Variants in ARHGEF38 observed in about 807,000 individuals in gnomAD.
ARHGEF38 encodes Rho guanine nucleotide exchange factor 38.
ARHGEF38 carries 79 observed loss-of-function variants against 79.9 expected under a neutral mutation model. The observed-to-expected ratio is 0.99, with a 90% CI of 0.82 to 1.19. The LOEUF (loss-of-function observed/expected upper bound fraction) is 1.19. Among genes scored for constraint, ARHGEF38 ranks in the 50% most tolerant of loss-of-function variants. The probability of loss-of-function intolerance (pLI) is 0.00; values close to 1 mark genes in which losing one functional copy is unlikely to be tolerated. For missense variants in ARHGEF38, 962 were observed against 907.2 expected, an observed-to-expected ratio of 1.06 and a Z score of -0.78; for synonymous variants, 366 against 328.3, an observed-to-expected ratio of 1.11 and a Z score of -1.24.
chr4:105,658,671 A>G (rs774339980), intron 9 of ARHGEF38, among the ~76,000 whole-genome samples: 39 of 152,178 alleles, frequency 2.6e-4, no homozygotes, highest in Non-Finnish European at 4.3e-4. Context: ...GTCAAAGGCT[A>G]GAGATTCCCC....
At chr4:105,639,818 A>C (rs1486892702) in intron 5 of ARHGEF38, among the ~76,000 whole-genome samples, 1 of 152,014 alleles carries the variant, frequency 6.6e-6, no homozygotes, top group African/African-American at 2.4e-5. Context: ...GTCTCAGCTC[A>C]GTACTTTTCT....
chr4:105,588,806 C>G (rs1446250965), intron 1 of ARHGEF38, among the ~76,000 whole-genome samples: 1 of 152,190 alleles, frequency 6.6e-6, no homozygotes, highest in Non-Finnish European at 1.5e-5. Context: ...ATATTACCCA[C>G]TGAGAATGAG....
At chr4:105,667,052 G>A in intron 11 of ARHGEF38, 77 bp from the exon 12 acceptor site, 20 of 1,258,764 alleles carry the variant, frequency 1.6e-5, no homozygotes, top group Non-Finnish European at 2.0e-5. Context: ...AAATCTCCAG[G>A]GAAAAAATAT....
intron 4 of ARHGEF38, chr4:105,631,582 A>G: frequency 1.0e-6 from 1 of 985,390 alleles, no homozygotes; most frequent in South Asian, 4.7e-5. Context: ...GGGGAGCTAC[A>G]CAATGTACTT....
chr4:105,655,517 T>A, intron 8 of ARHGEF38, 86 bp from the exon 9 acceptor site: 1 of 1,354,420 alleles, frequency 7.4e-7, no homozygotes, highest in Non-Finnish European at 9.9e-7. Context: ...AATTAAGGGT[T>A]ATGCTGATGA....
At chr4:105,632,094 C>T (rs1175174985) in intron 4 of ARHGEF38, among the ~76,000 whole-genome samples, 2 of 152,282 alleles carry the variant, frequency 1.3e-5, no homozygotes, top group East Asian at 3.9e-4. Flanking sequence ...AAATTGAAAT[C>T]ATGATACTAC....
At chr4:105,585,506 C>G (rs1560702235) in intron 1 of ARHGEF38, among the ~76,000 whole-genome samples, 1 of 151,420 alleles carries the variant, frequency 6.6e-6, no homozygotes, top group South Asian at 2.1e-4. Flanking sequence ...CACATCACCA[C>G]TGGAAAAATA....
At chr4:105,677,125 A>G (rs1381575103) in intron 13 of ARHGEF38, among the ~76,000 whole-genome samples, 3 of 151,846 alleles carry the variant, frequency 2.0e-5, no homozygotes, top group Non-Finnish European at 4.4e-5. Flanking sequence ...CACCACGCCC[A>G]GCTAATTTTT....
intron 3 of ARHGEF38, among the ~76,000 whole-genome samples, chr4:105,614,716 C>G (rs1375807658): frequency 1.3e-5 from 2 of 152,154 alleles, no homozygotes; most frequent in African/African-American, 2.4e-5. Context: ...CTACTCATTA[C>G]CACACTAACT....
intron 7 of ARHGEF38, 45 bp downstream of exon 7, chr4:105,648,727 A>C: frequency 6.8e-7 from 1 of 1,465,186 alleles, no homozygotes; most frequent in South Asian, 1.4e-5. Flanking sequence ...AGGGAACATG[A>C]ATGCAGATAT....
At chr4:105,645,037 G>T (rs978388919) in intron 5 of ARHGEF38, 151 bp from the exon 6 acceptor site, 7 of 625,614 alleles carry the variant, frequency 1.1e-5, no homozygotes, top group Admixed American at 3.7e-5. Context: ...TCTTTCTGTC[G>T]TCTTTTGCTC....
At position 105,652,325 on chromosome 4, in the gene ARHGEF38, G is replaced by A. The variant is rs565458279; in HGVS notation, c.1009-1740G>A. 6.7e-4 allele frequency among the ~76,000 whole-genome samples: 102 copies of A among 152,246 alleles called. 1 individual carries two copies. The highest frequency in any genetic ancestry group is 2.3e-3 in the African/African-American group (96 of 41,538). ...CACAGTCAGTGTTTAACAAATGTTC[G>A]CTATTATTTTCATTAAAACAACAAT... On this transcript the variant is annotated intron_variant, in intron 7 of 13. Transcript: ENST00000420470.
intron 5 of ARHGEF38, among the ~76,000 whole-genome samples, chr4:105,638,957 A>G (rs1012818678): frequency 8.6e-5 from 13 of 151,982 alleles, no homozygotes; most frequent in African/African-American, 2.9e-4. Flanking sequence ...TGAAAGTGAA[A>G]TTGCTAGATC....
In ARHGEF38 at chr4:105,615,053, G is replaced by A. The variant is rs75567644; in HGVS notation, c.508+1546G>A. ...TTTCAACAATAGGGTCCATGTTGAGGAGAAGATTCCAAATGGAAATGACAG... is the reference window on the plus strand; with the variant it reads ...TTTCAACAATAGGGTCCATGTTGAGAAGAAGATTCCAAATGGAAATGACAG... On this transcript the variant is annotated intron_variant, in intron 3 of 13. Transcript: ENST00000420470. 2.6e-5 allele frequency among the ~76,000 whole-genome samples: 4 copies of A among 152,316 alleles called. No homozygotes were observed. In the East Asian group the frequency reaches 7.7e-4, roughly 29 times the overall value.
At chr4:105,562,892 C>G (rs774992106) in intron 1 of ARHGEF38, among the ~76,000 whole-genome samples, 1 of 152,176 alleles carries the variant, frequency 6.6e-6, no homozygotes, top group Admixed American at 6.6e-5. Flanking sequence ...AGAGGCCGAG[C>G]TGTGATGTGG....
At chr4:105,639,964 TGCCA>T (rs1578337387) in intron 5 of ARHGEF38, among the ~76,000 whole-genome samples, 1 of 152,076 alleles carries the variant, frequency 6.6e-6, no homozygotes, top group East Asian at 1.9e-4. Context: ...CCTCTTCTCC[TGCCA>T]GCCCCTAAAT....
intron 2 of ARHGEF38, among the ~76,000 whole-genome samples, chr4:105,590,316 T>C (rs1439403343): frequency 6.6e-6 from 1 of 152,108 alleles, no homozygotes; most frequent in Non-Finnish European, 1.5e-5. Flanking sequence ...CAAGGAGTGA[T>C]AACTCATCAT....
intron 1 of ARHGEF38, among the ~76,000 whole-genome samples, chr4:105,558,909 A>AGC (rs1560681970): frequency 2.0e-5 from 3 of 151,462 alleles, no homozygotes; most frequent in African/African-American, 7.3e-5. Flanking sequence ...AGAGAAGGGG[A>AGC]GGGGAGAGAC....
At chr4:105,629,065 AT>A (rs1729073626) in intron 3 of ARHGEF38, among the ~76,000 whole-genome samples, 1 of 152,220 alleles carries the variant, frequency 6.6e-6, no homozygotes, top group African/African-American at 2.4e-5. Flanking sequence ...TTTAAAAAAA[AT>A]CATTCTCCGA....
Sources: allele counts gnomAD v4.1 joint callset (sites outside exome capture counted in the v4.1 genomes callset), GRCh38; gene constraint gnomAD v4.1.1; transcripts MANE v1.5; gene names NCBI Gene and HGNC (gene_info 2026-07-23, HGNC 2026-07-21).